MCF2L: variants seen among roughly 807,000 people sequenced by gnomAD.
The protein encoded by MCF2L is guanine nucleotide exchange factor DBS.
Under a neutral mutation model 153.4 loss-of-function variants are expected in MCF2L, and 97 were observed. The ratio of observed to expected loss-of-function variants is 0.63; its 90% CI spans 0.54 to 0.75. The LOEUF (loss-of-function observed/expected upper bound fraction) is 0.75, where lower values mean the gene tolerates loss of function less well. MCF2L is among the 30% of genes least tolerant of loss of function. MCF2L has a pLI of 0.00. For synonymous variants in MCF2L, 659 were observed against 632.2 expected, an observed-to-expected ratio of 1.04 and a Z score of -0.64; for missense variants, 1,347 against 1,495.2, an observed-to-expected ratio of 0.90 and a Z score of 1.64.
intron 3 of MCF2L, chr13:113,044,526 A>C: frequency 9.4e-6 from 10 of 1,066,734 alleles, no homozygotes; most frequent in African/African-American, 1.6e-5. Flanking sequence ...CCCCTGCCTT[A>C]GGCATGCCCG....
chr13:112,896,787 G>T (rs1250724621), intron 1 of MCF2L, among the ~76,000 whole-genome samples: 1 of 152,218 alleles, frequency 6.6e-6, no homozygotes, highest in Non-Finnish European at 1.5e-5. Context: ...GCTCTGGGCT[G>T]CATCTTGGTG....
In MCF2L at chr13:112,943,893, G is replaced by A. The variant is rs1228230759; in HGVS notation, c.169+41522G>A. ...CGGCCCCGAGAACTGAGAACTGAGA[G>A]GGAGACGCTCTCGGGCCTCTCAGAC... On this transcript the variant is annotated intron_variant, in intron 2 of 29. Transcript: ENST00000375608. The surrounding 1 kb of genome is among the most constrained non-coding windows in gnomAD (Gnocchi z 4.2). Among the ~76,000 whole-genome samples the A allele has an allele frequency of 1.3e-5, 2 of 151,760 alleles. No homozygotes were observed. Among genetic ancestry groups the A allele is most frequent in the African/African-American group, 4.9e-5 (2 of 41,126 alleles).
At chr13:112,998,924 G>A (rs1159145789) in intron 1 of MCF2L, among the ~76,000 whole-genome samples, 2 of 152,204 alleles carry the variant, frequency 1.3e-5, no homozygotes, top group African/African-American at 4.8e-5. Flanking sequence ...GAGCTGGAAG[G>A]GTCAAGAGCT....
chr13:113,006,875 C>T (rs1460803711), intron 1 of MCF2L, among the ~76,000 whole-genome samples: 7 of 152,152 alleles, frequency 4.6e-5, no homozygotes, highest in African/African-American at 1.2e-4. Flanking sequence ...AGGTCTGTGG[C>T]GGGGTGTGGG....
At chr13:113,023,578 C>T (rs963920637) in intron 2 of MCF2L, among the ~76,000 whole-genome samples, 1 of 152,116 alleles carries the variant, frequency 6.6e-6, no homozygotes, top group Admixed American at 6.5e-5. Context: ...TCAGTGAGGA[C>T]GTGGATGAGG....
At chr13:113,083,157 C>T (rs968966732) in intron 17 of MCF2L, among the ~76,000 whole-genome samples, 1 of 152,152 alleles carries the variant, frequency 6.6e-6, no homozygotes, top group Non-Finnish European at 1.5e-5. Context: ...GGTGCACACG[C>T]AGTGCAGAAT....
chr13:112,945,928 G>A (rs1363333415), intron 2 of MCF2L, among the ~76,000 whole-genome samples: 1 of 152,128 alleles, frequency 6.6e-6, no homozygotes, highest in East Asian at 1.9e-4. Flanking sequence ...TTCTCTTTGG[G>A]ACTGTCCCTG....
At chr13:113,052,914 A>T (rs2087458230) in intron 4 of MCF2L, among the ~76,000 whole-genome samples, 1 of 151,718 alleles carries the variant, frequency 6.6e-6, no homozygotes. Context: ...CATCACATAA[A>T]CACACACACA....
At chr13:112,974,809 G>A (rs1420974666) in intron 1 of MCF2L, among the ~76,000 whole-genome samples, 2 of 152,224 alleles carry the variant, frequency 1.3e-5, no homozygotes, top group Admixed American at 6.5e-5. Flanking sequence ...ACATTTTCAT[G>A]AGTAGAGAAT....
intron 5 of MCF2L, among the ~76,000 whole-genome samples, chr13:113,063,694 G>C (rs1359374133): frequency 6.6e-6 from 1 of 152,118 alleles, no homozygotes; most frequent in Non-Finnish European, 1.5e-5. Context: ...ACTCCACTGG[G>C]GGTGATTTTG....
At position 112,993,140 on chromosome 13, in the gene MCF2L, C is replaced by G. The variant is rs1451319104; in HGVS notation, c.80-21623C>G. On this transcript the variant is annotated intron_variant, in intron 1 of 29. Transcript: ENST00000535094. This position sits in a 1 kb window ranked among gnomAD's most constrained non-coding sequence, Gnocchi z 4.6. Reference sequence around the variant, plus strand: ...CGCGCTGCCGCGGAGGGAGAGGTAGCGCGGGGCATGGGGAGGCCACAGAGA... The same window carrying G: ...CGCGCTGCCGCGGAGGGAGAGGTAGGGCGGGGCATGGGGAGGCCACAGAGA... Among the ~76,000 whole-genome samples, 1 of 152,204 alleles carries G rather than the reference C, an allele frequency of 6.6e-6. No homozygotes were observed. Among genetic ancestry groups the G allele is most frequent in the Non-Finnish European group, 1.5e-5 (1 of 68,046 alleles).
At chr13:112,923,537 T>C (rs1333925091) in intron 2 of MCF2L, among the ~76,000 whole-genome samples, 1 of 152,146 alleles carries the variant, frequency 6.6e-6, no homozygotes, top group Admixed American at 6.5e-5. Flanking sequence ...GTGCTGGGAT[T>C]ACAGGTGTGA....
At chr13:113,075,252 A>C in intron 11 of MCF2L, 63 bp downstream of exon 11, 2 of 1,439,330 alleles carry the variant, frequency 1.4e-6, no homozygotes, top group Non-Finnish European at 1.9e-6. Flanking sequence ...TTCCTCCCAC[A>C]TCCACCACCG....
At chr13:112,924,128 G>A (rs566643308) in intron 2 of MCF2L, among the ~76,000 whole-genome samples, 3 of 151,940 alleles carry the variant, frequency 2.0e-5, no homozygotes, top group African/African-American at 7.2e-5. Context: ...CTAAAAATAC[G>A]CACACACATT....
intron 2 of MCF2L, among the ~76,000 whole-genome samples, chr13:112,911,386 CCAGA>C (rs1350208859): frequency 6.6e-6 from 1 of 152,120 alleles, no homozygotes; most frequent in Non-Finnish European, 1.5e-5. Flanking sequence ...GGGTGTAGAC[CCAGA>C]CACTCTCCTG....
intron 2 of MCF2L, among the ~76,000 whole-genome samples, chr13:112,916,418 T>G (rs1313455178): frequency 6.6e-6 from 1 of 152,228 alleles, no homozygotes; most frequent in Non-Finnish European, 1.5e-5. Flanking sequence ...TCTGAGCTCC[T>G]GCTTGACTCA....
rs1055677761 is a variant in MCF2L, at chr13:112,969,300, G to T, written c.-80G>T. The T allele has an allele frequency of 6.6e-6, 10 of 1,526,264 alleles. No individual in the cohort carries two copies. The Admixed American group carries it at 1.0e-4, about 15-fold the overall frequency. The allele number at this position is 1,526,264 out of a possible 1,614,324, so 94.5% of individuals were successfully genotyped here. ...TCCCCGCCTCCGCCGCGCCCCCTCC[G>T]CACTCGCACGGCCCCACCCGCAGGC... On this transcript the variant is annotated 5_prime_UTR_variant, in exon 1 of 30. Coordinates refer to ENST00000535094, the MANE Select transcript of MCF2L (RefSeq NM_001112732.3). This position sits in a 1 kb window ranked among gnomAD's most constrained non-coding sequence, Gnocchi z 4.8.
At chr13:113,043,565 T>C (rs2086632271) in intron 3 of MCF2L, 1 of 152,264 alleles carries the variant, frequency 6.6e-6, no homozygotes, top group African/African-American at 2.4e-5. Flanking sequence ...ACCTGTAACT[T>C]TGTGCCTCTC....
intron 2 of MCF2L, among the ~76,000 whole-genome samples, chr13:112,910,973 A>G (rs965088189): frequency 6.4e-5 from 7 of 109,096 alleles, no homozygotes; most frequent in Non-Finnish European, 1.0e-4. Context: ...AACGCAGGCC[A>G]GGGGGCCCAG....
Sources: allele counts gnomAD v4.1 joint callset (sites outside exome capture counted in the v4.1 genomes callset), GRCh38; gene constraint gnomAD v4.1.1; non-coding constraint Gnocchi (gnomAD v3.1); transcripts MANE v1.5; gene names NCBI Gene and HGNC (gene_info 2026-07-23, HGNC 2026-07-21).